KDM7A: variants seen among roughly 807,000 people sequenced by gnomAD.
The protein encoded by KDM7A is lysine-specific demethylase 7A.
In KDM7A, 28 loss-of-function variants were observed where a neutral mutation model predicts 114.8. That is an observed-to-expected ratio of 0.24 (90% CI 0.18 to 0.33). The LOEUF (loss-of-function observed/expected upper bound fraction) is 0.33, where lower values mean the gene tolerates loss of function less well. Among genes scored for constraint, KDM7A ranks in the 10% least tolerant of loss-of-function variants. The pLI, the probability that KDM7A is intolerant of heterozygous loss-of-function variation, is 1.00. For missense variants in KDM7A, 942 were observed against 1,142.5 expected, an observed-to-expected ratio of 0.82 and a Z score of 2.53; for synonymous variants, 423 against 397.8, an observed-to-expected ratio of 1.06 and a Z score of -0.75.
chr7:140,151,445 G>A (rs1794399055), intron 1 of KDM7A, among the ~76,000 whole-genome samples: 1 of 152,112 alleles, frequency 6.6e-6, no homozygotes, highest in Non-Finnish European at 1.5e-5. Flanking sequence ...CATTCGCTTG[G>A]GCTACCATCT....
chr7:140,151,318 T>C (rs1398402446), intron 1 of KDM7A, among the ~76,000 whole-genome samples: 1 of 152,182 alleles, frequency 6.6e-6, no homozygotes, highest in Non-Finnish European at 1.5e-5. Flanking sequence ...ACATGGGTAA[T>C]ATTTAATTCA....
intron 11 of KDM7A, among the ~76,000 whole-genome samples, chr7:140,103,955 C>T (rs1464600340): frequency 1.3e-5 from 2 of 152,180 alleles, no homozygotes; most frequent in Non-Finnish European, 1.5e-5. Context: ...TATTTCTCCA[C>T]ATCCTCTCCA....
rs1235028511 is a variant in KDM7A, at chr7:140,118,178, TGAC to T, written c.1246+932_1246+934del. Among the ~76,000 whole-genome samples, 4 of 152,306 alleles carry T rather than the reference TGAC, an allele frequency of 2.6e-5. No individual in the cohort carries two copies. The East Asian group carries it at 7.7e-4, about 29-fold the overall frequency. On this transcript the variant is annotated intron_variant, in intron 9 of 19. Transcript: ENST00000397560. The stretch of plus-strand genomic sequence containing the variant: ...TATAATAGTAGCACTATTTACAAAC[TGAC>T]TAGAAAAGTTAGACAACACAAAAAG...
chr7:140,092,589 G>A (rs998717808), intron 18 of KDM7A, among the ~76,000 whole-genome samples: 4 of 152,042 alleles, frequency 2.6e-5, no homozygotes, highest in South Asian at 2.1e-4. Context: ...TAAGACTATC[G>A]AGTAAACTTT....
At chr7:140,157,998 T>TAAA (rs1562959814) in intron 1 of KDM7A, among the ~76,000 whole-genome samples, 6 of 105,794 alleles carry the variant, frequency 5.7e-5, no homozygotes, top group Non-Finnish European at 1.0e-4. Context: ...AAATAAATAA[T>TAAA]AATAATAATA....
At chr7:140,100,221 G>T (rs528018057) in intron 12 of KDM7A, among the ~76,000 whole-genome samples, 198 bp from the exon 13 acceptor site, 7 of 152,290 alleles carry the variant, frequency 4.6e-5, no homozygotes, top group East Asian at 1.9e-4. Context: ...CATCTTTCTG[G>T]AGGGCCATTA....
Position 140,090,783 on chromosome 7 carries a change from CT to C in KDM7A, c.*310del, listed in dbSNP as rs1185288732. 1 of 311,316 alleles carries C rather than the reference CT, an allele frequency of 3.2e-6. No homozygotes were observed. Among genetic ancestry groups the C allele is most frequent in the African/African-American group, 2.1e-5 (1 of 46,824 alleles). The allele number at this position is 311,316 out of a possible 1,614,324, so 19.3% of individuals were successfully genotyped here. A position where few individuals can be genotyped will look rare whatever the true frequency, so the allele number is the denominator to read the frequency against. On this transcript the variant is annotated 3_prime_UTR_variant, in exon 20 of 20. Transcript: ENST00000397560. The stretch of plus-strand genomic sequence containing the variant: ...AATAAATTATTGATAATTCTTTACC[CT>C]ACCACTGAAAATACATCAAGACACT...
At chr7:140,145,080 AATG>A (rs1454108393) in intron 1 of KDM7A, among the ~76,000 whole-genome samples, 1 of 152,186 alleles carries the variant, frequency 6.6e-6, no homozygotes, top group African/African-American at 2.4e-5. Flanking sequence ...ATTTCTTTAT[AATG>A]ATGCAAAAAC....
rs1476240164 is a variant in KDM7A, at chr7:140,091,032, T to G, written c.*62A>C. On this transcript the variant is annotated 3_prime_UTR_variant, in exon 20 of 20. Transcript: ENST00000397560. ...CTCCAGGCAGGGGGACAGCGGAAGC[T>G]CCAGGCTCCTGCACCCCTAGACTGG... The G allele has an allele frequency of 7.5e-6, 9 of 1,192,636 alleles. No individual in the cohort carries two copies. Among genetic ancestry groups the G allele is most frequent in the Non-Finnish European group, 1.1e-5 (9 of 796,812 alleles). The allele number at this position is 1,192,636 out of a possible 1,614,324, so 73.9% of individuals were successfully genotyped here. A position where few individuals can be genotyped will look rare whatever the true frequency, so the allele number is the denominator to read the frequency against.
At chr7:140,137,556 T>C (rs1818891825) in intron 2 of KDM7A, among the ~76,000 whole-genome samples, 1 of 152,228 alleles carries the variant, frequency 6.6e-6, no homozygotes, top group East Asian at 1.9e-4. Flanking sequence ...TTATATATCA[T>C]ATACTCAGTG....
intron 11 of KDM7A, among the ~76,000 whole-genome samples, chr7:140,108,644 AG>A (rs976684667): frequency 6.6e-6 from 1 of 152,134 alleles, no homozygotes; most frequent in Non-Finnish European, 1.5e-5. Context: ...TTCGTCTCAG[AG>A]GGGCACCCAG....
At chr7:140,132,855 T>A (rs1818811623) in intron 3 of KDM7A, among the ~76,000 whole-genome samples, 1 of 152,198 alleles carries the variant, frequency 6.6e-6, no homozygotes, top group Non-Finnish European at 1.5e-5. Context: ...AAGCTGCATG[T>A]GATACTGTGA....
rs1229738608 is a variant in KDM7A at position 140,176,115 on chromosome 7, TCCG to T, written c.194+626_194+628del. ...GTGCCTCATCTGTTGCTCTGTTTAC[TCCG>T]CGGAGCCCCGCCGAGCTGGCTGGCG... On this transcript the variant is annotated intron_variant, in intron 1 of 19. Transcript: ENST00000397560. This position sits in a 1 kb window ranked among gnomAD's most constrained non-coding sequence, Gnocchi z 4.4. Among the ~76,000 whole-genome samples the T allele has an allele frequency of 6.6e-6, 1 of 151,626 alleles. No individual in the cohort carries two copies. Among genetic ancestry groups the T allele is most frequent in the African/African-American group, 2.4e-5 (1 of 41,320 alleles).
chr7:140,114,260 C>T (rs1302343995), intron 9 of KDM7A, among the ~76,000 whole-genome samples: 1 of 152,142 alleles, frequency 6.6e-6, no homozygotes, highest in East Asian at 1.9e-4. Flanking sequence ...CTCACTGCAA[C>T]CTCCCTGCTT....
chr7:140,122,720 T>C (rs1385633044), intron 7 of KDM7A, among the ~76,000 whole-genome samples: 1 of 152,204 alleles, frequency 6.6e-6, no homozygotes, highest in Non-Finnish European at 1.5e-5. Context: ...TACCTATACT[T>C]GAGGCTACAG....
chr7:140,126,510 A>G lies in KDM7A; in HGVS notation c.888+127T>C, dbSNP rs559172675. The G allele has an allele frequency of 1.5e-5, 7 of 473,316 alleles. No homozygotes were observed. The African/African-American group carries it at 1.7e-4, about 11-fold the overall frequency. 29.3% of individuals were successfully genotyped at this position (473,316 alleles called of 1,614,324 possible). A position where few individuals can be genotyped will look rare whatever the true frequency, so the allele number is the denominator to read the frequency against. The stretch of plus-strand genomic sequence containing the variant: ...AAAGGCAAAGTGACAGTTCCTGGTT[A>G]AAAAGTAAAAAAAAAAAAAAAAACT... On this transcript the variant is annotated intron_variant, in intron 6 of 19. Transcript: ENST00000397560.
chr7:140,143,984 A>C (rs1794312741), intron 1 of KDM7A, among the ~76,000 whole-genome samples: 1 of 152,258 alleles, frequency 6.6e-6, no homozygotes, highest in African/African-American at 2.4e-5. Flanking sequence ...ATGTTATACA[A>C]AATTGTATAT....
At chr7:140,113,303 C>T (rs867098225) in intron 10 of KDM7A, among the ~76,000 whole-genome samples, 188 bp downstream of exon 10, 4 of 152,266 alleles carry the variant, frequency 2.6e-5, no homozygotes, top group Middle Eastern at 3.4e-3. Context: ...GAAATAAATA[C>T]TTTATTCTCA....
At chr7:140,117,571 A>C (rs1206627239) in intron 9 of KDM7A, among the ~76,000 whole-genome samples, 5 of 152,186 alleles carry the variant, frequency 3.3e-5, no homozygotes, top group Admixed American at 1.3e-4. Context: ...AAGTATCCTG[A>C]ACCAAGTATA....
Sources: allele counts gnomAD v4.1 joint callset (sites outside exome capture counted in the v4.1 genomes callset), GRCh38; gene constraint gnomAD v4.1.1; non-coding constraint Gnocchi (gnomAD v3.1); transcripts MANE v1.5; gene names NCBI Gene and HGNC (gene_info 2026-07-23, HGNC 2026-07-21).